Variants in GLRA3 observed in about 807,000 individuals in gnomAD.
The protein encoded by GLRA3 is glycine receptor subunit alpha-3.
GLRA3 carries 44 observed loss-of-function variants against 60.4 expected under a neutral mutation model. That is an observed-to-expected ratio of 0.73 (90% confidence interval 0.57 to 0.94). The LOEUF (loss-of-function observed/expected upper bound fraction) is 0.94, where lower values mean the gene tolerates loss of function less well. Among genes scored for constraint, GLRA3 ranks in the 40% least tolerant of loss-of-function variants. The probability of loss-of-function intolerance (pLI) is 0.00; values close to 1 mark genes in which losing one functional copy is unlikely to be tolerated. For synonymous variants in GLRA3, 223 were observed against 192.9 expected, an observed-to-expected ratio of 1.16 and a Z score of -1.29; for missense variants, 508 against 564.6, an observed-to-expected ratio of 0.90 and a Z score of 1.02.
intron 3 of GLRA3, among the ~76,000 whole-genome samples, chr4:174,763,495 T>G (rs1233617258): frequency 1.3e-5 from 2 of 152,228 alleles, no homozygotes; most frequent in Non-Finnish European, 2.9e-5. Context: ...GCCAGGTCTG[T>G]GTGTATGCAC....
At chr4:174,792,557 GAT>G (rs1739396546) in intron 1 of GLRA3, among the ~76,000 whole-genome samples, 1 of 152,124 alleles carries the variant, frequency 6.6e-6, no homozygotes, top group Non-Finnish European at 1.5e-5. Flanking sequence ...TGGCCTTCCA[GAT>G]AACCAGGAAT....
intron 4 of GLRA3, among the ~76,000 whole-genome samples, chr4:174,721,887 A>G (rs537392657): frequency 9.0e-4 from 136 of 150,452 alleles, no homozygotes; most frequent in East Asian, 2.0e-4. Flanking sequence ...GTATATATAT[A>G]TGTGTGTGTA....
chr4:174,647,084 A>C (rs1732847689), intron 9 of GLRA3, among the ~76,000 whole-genome samples: 1 of 152,230 alleles, frequency 6.6e-6, no homozygotes, highest in South Asian at 2.1e-4. Flanking sequence ...AAAGTGGCTC[A>C]AGAGACAGTT....
chr4:174,709,595 A>G (rs1240358790), intron 5 of GLRA3, among the ~76,000 whole-genome samples: 1 of 152,070 alleles, frequency 6.6e-6, no homozygotes, highest in African/African-American at 2.4e-5. Flanking sequence ...AATGAAGTTG[A>G]ATTAAGTATG....
chr4:174,665,422 CA>C (rs1291853597), intron 7 of GLRA3, among the ~76,000 whole-genome samples: 1 of 151,976 alleles, frequency 6.6e-6, no homozygotes, highest in African/African-American at 2.4e-5. Context: ...CTCATTACAA[CA>C]ATAATTATAT....
At chr4:174,670,766 A>T (rs1733873651) in intron 7 of GLRA3, among the ~76,000 whole-genome samples, 1 of 152,152 alleles carries the variant, frequency 6.6e-6, no homozygotes, top group Non-Finnish European at 1.5e-5. Flanking sequence ...GGTCCTAAGT[A>T]GGTCCTTGAT....
At chr4:174,718,959 CTT>C (rs10656765) in intron 4 of GLRA3, among the ~76,000 whole-genome samples, 244 of 81,046 alleles carry the variant, frequency 3.0e-3, no homozygotes, top group Non-Finnish European at 4.3e-3. Flanking sequence ...AGATTTCGTG[CTT>C]TTTTTTTTTT....
intron 3 of GLRA3, among the ~76,000 whole-genome samples, chr4:174,744,034 C>A (rs879705546): frequency 1.3e-5 from 2 of 152,156 alleles, no homozygotes; most frequent in Admixed American, 6.5e-5. Context: ...AGTAGCATGG[C>A]CTTTGTGCTT....
chr4:174,791,367 T>A (rs1374168354), intron 1 of GLRA3, among the ~76,000 whole-genome samples: 1 of 152,108 alleles, frequency 6.6e-6, no homozygotes, highest in Non-Finnish European at 1.5e-5. Flanking sequence ...TACTCACACC[T>A]TGATTTTGAC....
intron 5 of GLRA3, among the ~76,000 whole-genome samples, chr4:174,690,576 G>A (rs1162942358): frequency 1.3e-5 from 2 of 152,078 alleles, no homozygotes; most frequent in East Asian, 1.9e-4. Context: ...CATGTCACAG[G>A]GCTTTGCTGT....
At chr4:174,669,971 A>G (rs1330020100) in intron 7 of GLRA3, among the ~76,000 whole-genome samples, 2 of 152,250 alleles carry the variant, frequency 1.3e-5, no homozygotes, top group African/African-American at 4.8e-5. Flanking sequence ...TTTCGTCACC[A>G]GACAAGGAAA....
intron 3 of GLRA3, among the ~76,000 whole-genome samples, chr4:174,750,921 A>C (rs538298133): frequency 3.3e-5 from 5 of 152,260 alleles, no homozygotes; most frequent in Admixed American, 1.3e-4. Flanking sequence ...AATGATCTTC[A>C]AATTCTTAGG....
intron 3 of GLRA3, among the ~76,000 whole-genome samples, chr4:174,747,153 C>T (rs958472951): frequency 3.3e-5 from 5 of 152,096 alleles, no homozygotes; most frequent in Non-Finnish European, 5.9e-5. Context: ...ATTATATATC[C>T]CTGCTTTGCT....
In GLRA3 at chr4:174,656,835, C is replaced by A; in HGVS notation, c.1072-48G>T. Reference sequence around the variant, plus strand: ...AAGAGGAATTGAGAAACCAGAGAATCAATTCATATATGATTAAATATAATT... The same window carrying A: ...AAGAGGAATTGAGAAACCAGAGAATAAATTCATATATGATTAAATATAATT... On this transcript the variant is annotated intron_variant, in intron 8 of 9. Transcript: ENST00000274093. 3 of 1,022,562 alleles carry A rather than the reference C, an allele frequency of 2.9e-6. No homozygotes were observed. The South Asian group carries it at 3.8e-5, about 13-fold the overall frequency. 63.3% of individuals were successfully genotyped at this position (1,022,562 alleles called of 1,614,324 possible). A position where few individuals can be genotyped will look rare whatever the true frequency, so the allele number is the denominator to read the frequency against.
chr4:174,781,051 C>G (rs1164287543), intron 2 of GLRA3, among the ~76,000 whole-genome samples: 1 of 152,044 alleles, frequency 6.6e-6, no homozygotes, highest in African/African-American at 2.4e-5. Flanking sequence ...CAAAATTGAC[C>G]ACATACTTGG....
intron 1 of GLRA3, among the ~76,000 whole-genome samples, chr4:174,811,064 T>C (rs1740248800): frequency 6.6e-6 from 1 of 151,938 alleles, no homozygotes; most frequent in South Asian, 2.1e-4. Flanking sequence ...TTTGAAACTG[T>C]TTTATTCTAG....
chr4:174,755,749 A>G (rs993602103), intron 3 of GLRA3, among the ~76,000 whole-genome samples: 1 of 152,116 alleles, frequency 6.6e-6, no homozygotes, highest in African/African-American at 2.4e-5. Context: ...AGCAATCAGA[A>G]TATACAGTAT....
rs560469192 is a variant in GLRA3 at position 174,715,892 on chromosome 4, GTTTA to G, written c.492-326_492-323del. The stretch of plus-strand genomic sequence containing the variant: ...TCCCGTCATATTTATATATCTATAT[GTTTA>G]TTTATTCAATTAGAAAGGGCTGTGG... On this transcript the variant is annotated intron_variant, in intron 4 of 9. Coordinates refer to ENST00000274093, the MANE Select transcript of GLRA3 (RefSeq NM_006529.4). Among the ~76,000 whole-genome samples, 26 of 152,166 alleles carry G rather than the reference GTTTA, an allele frequency of 1.7e-4. No individual in the cohort carries two copies. The South Asian group carries it at 4.1e-3, about 24-fold the overall frequency.
Position 174,773,948 on chromosome 4 carries a change from G to A in GLRA3, c.200-6918C>T, listed in dbSNP as rs987430164. ...CACATGCAGGAAATGTTGGAGGTCCGGTGAGAGAGGAAAATGTACACCCAC... is the reference window on the plus strand; with the variant it reads ...CACATGCAGGAAATGTTGGAGGTCCAGTGAGAGAGGAAAATGTACACCCAC... On this transcript the variant is annotated intron_variant, in intron 2 of 9. Coordinates refer to ENST00000274093, the MANE Select transcript of GLRA3 (RefSeq NM_006529.4). Among the ~76,000 whole-genome samples, 13 of 102,222 alleles carry A rather than the reference G, an allele frequency of 1.3e-4. No homozygotes were observed. In the East Asian group the frequency reaches 1.5e-3, roughly 11 times the overall value. 67.1% of individuals were successfully genotyped at this position (102,222 alleles called of 152,430 possible). A position where few individuals can be genotyped will look rare whatever the true frequency, so the allele number is the denominator to read the frequency against.
Sources: allele counts gnomAD v4.1 joint callset (sites outside exome capture counted in the v4.1 genomes callset), GRCh38; gene constraint gnomAD v4.1.1; transcripts MANE v1.5; gene names NCBI Gene and HGNC (gene_info 2026-07-23, HGNC 2026-07-21).